Variants in FSAF1 observed in about 807,000 individuals in gnomAD.
The protein encoded by FSAF1 is uncharacterized protein C1orf131.
the FSAF1 span, chr1:231,225,639 AG>A: frequency 4.4e-6 from 4 of 906,864 alleles, no homozygotes; most frequent in African/African-American, 1.7e-5. Flanking sequence ...ATTTCTTTCA[AG>A]TGGGCATATT....
chr1:231,237,110 T>C, the FSAF1 span: 2 of 152,156 alleles, frequency 1.3e-5, no homozygotes, highest in African/African-American at 4.8e-5. Flanking sequence ...TCCTCTGGCC[T>C]TGGCATCCCA....
At chr1:231,238,561 T>G in the FSAF1 span, 5 of 259,260 alleles carry the variant, frequency 1.9e-5, no homozygotes, top group African/African-American at 1.1e-4. Flanking sequence ...TTTGCATACC[T>G]GAGGTCTTGA....
chr1:231,229,146 A>T, the FSAF1 span: 18 of 1,532,432 alleles, frequency 1.2e-5, no homozygotes, highest in Non-Finnish European at 1.5e-5. Flanking sequence ...CTCAAAGTAC[A>T]TACTTTTTCT....
At chr1:231,235,497 A>G in the FSAF1 span, among the ~76,000 whole-genome samples, 78 of 148,054 alleles carry the variant, frequency 5.3e-4, no homozygotes, top group African/African-American at 1.9e-3. Flanking sequence ...CTCCATCTCA[A>G]AAAAAAAAAA....
the FSAF1 span, chr1:231,239,085 G>A: frequency 1.2e-6 from 2 of 1,614,084 alleles, no homozygotes; most frequent in Admixed American, 1.7e-5. Flanking sequence ...AACCAGGTAG[G>A]GGAGATGGCT....
the FSAF1 span, among the ~76,000 whole-genome samples, chr1:231,235,287 T>C: frequency 6.6e-6 from 1 of 151,854 alleles, no homozygotes; most frequent in South Asian, 2.1e-4. Flanking sequence ...GATCACGAGG[T>C]CAAGATCGAG....
chr1:231,229,254 T>A, the FSAF1 span: 1 of 1,290,682 alleles, frequency 7.7e-7, no homozygotes, highest in Non-Finnish European at 1.1e-6. Context: ...ACTATATCAT[T>A]ATAGTATCTA....
At chr1:231,227,092 A>G in the FSAF1 span, 1 of 1,610,476 alleles carries the variant, frequency 6.2e-7, no homozygotes, top group Non-Finnish European at 8.5e-7. Flanking sequence ...GCATAATCAG[A>G]CGCAAGTGCA....
At chr1:231,236,196 AC>A in the FSAF1 span, among the ~76,000 whole-genome samples, 2 of 152,198 alleles carry the variant, frequency 1.3e-5, no homozygotes, top group Non-Finnish European at 2.9e-5. Context: ...TTGGCTGACT[AC>A]CCTTTAACTT....
chr1:231,229,952 T>C, the FSAF1 span, among the ~76,000 whole-genome samples: 1 of 152,122 alleles, frequency 6.6e-6, no homozygotes. Flanking sequence ...TGAATGAGCT[T>C]AACACCACTG....
the FSAF1 span, chr1:231,225,500 C>G: frequency 1.2e-6 from 2 of 1,613,632 alleles, no homozygotes; most frequent in African/African-American, 2.7e-5. Flanking sequence ...TCTTCTTTTT[C>G]TTGAAAATAT....
At chr1:231,231,768 C>T in the FSAF1 span, among the ~76,000 whole-genome samples, 1 of 152,150 alleles carries the variant, frequency 6.6e-6, no homozygotes, top group East Asian at 1.9e-4. Context: ...GGAGCAATGT[C>T]GGGCCTCTCC....
chr1:231,223,915 A>G, the FSAF1 span: 584 of 167,990 alleles, frequency 3.5e-3, 2 homozygotes, highest in African/African-American at 0.013. Context: ...CATTAAAAAT[A>G]TAAGGCAATT....
chr1:231,224,539 C>T, the FSAF1 span: 8 of 906,028 alleles, frequency 8.8e-6, no homozygotes, highest in Non-Finnish European at 1.3e-5. Context: ...GCACACCCCC[C>T]ACCCCATACG....
At chr1:231,235,309 C>T in the FSAF1 span, among the ~76,000 whole-genome samples, 9 of 152,092 alleles carry the variant, frequency 5.9e-5, no homozygotes, top group Admixed American at 1.3e-4. Context: ...CCATCCTGGC[C>T]AACATGGTGA....
chr1:231,226,784 C>T, the FSAF1 span: 14 of 1,611,166 alleles, frequency 8.7e-6, no homozygotes, highest in Admixed American at 1.7e-5. Context: ...CTTTAATTTG[C>T]TCCTGTAAAA....
At chr1:231,236,473 G>A in the FSAF1 span, among the ~76,000 whole-genome samples, 1 of 152,174 alleles carries the variant, frequency 6.6e-6, no homozygotes, top group Admixed American at 6.5e-5. Context: ...AGGCTCCTGA[G>A]AAGAGCCAAC....
chr1:231,225,928 G>A, the FSAF1 span: 203 of 166,800 alleles, frequency 1.2e-3, 3 homozygotes, highest in African/African-American at 5.3e-3. Context: ...GGTAGAAAGT[G>A]TAACATCTAT....
the FSAF1 span, chr1:231,226,393 G>A: frequency 3.3e-6 from 1 of 307,208 alleles, no homozygotes; most frequent in Non-Finnish European, 6.1e-6. Flanking sequence ...ATGCTCACCG[G>A]AGGCCGAGCA....
Sources: gnomAD v4.1 joint callset for allele counts (sites outside exome capture counted in the v4.1 genomes callset) on GRCh38, gnomAD v4.1.1 for gene constraint, MANE v1.5 for transcripts, NCBI Gene and HGNC (gene_info 2026-07-23, HGNC 2026-07-21) for gene names.